The following L3MBTL4 variants were observed in gnomAD, a reference collection of about 807,000 sequenced individuals.
The protein encoded by L3MBTL4 is L3MBTL histone methyl-lysine binding protein 4.
L3MBTL4 carries 70 observed loss-of-function variants against 84.5 expected under a neutral mutation model. The ratio of observed to expected loss-of-function variants is 0.83; its 90% CI spans 0.68 to 1.01. The LOEUF is 1.01. Ranked by LOEUF, L3MBTL4 falls within the 50% of genes least tolerant of loss-of-function variation. The pLI, the probability that L3MBTL4 is intolerant of heterozygous loss-of-function variation, is 0.00. For missense variants in L3MBTL4, 715 were observed against 754.8 expected (o/e 0.95, Z 0.62); for synonymous variants, 274 against 259.8 (o/e 1.05, Z -0.52).
At chr18:6,215,872 C>A in intron 10 of L3MBTL4, 37 bp from the exon 11 acceptor site, 1 of 1,159,536 alleles carries the variant, frequency 8.6e-7, no homozygotes, top group South Asian at 1.4e-5. Context: ...AAAGATTACT[C>A]ATAGATATTC....
intron 16 of L3MBTL4, among the ~76,000 whole-genome samples, chr18:6,058,418 T>A (rs2057097920): frequency 6.6e-6 from 1 of 152,138 alleles, no homozygotes; most frequent in South Asian, 2.1e-4. Context: ...TTTAGAAAAC[T>A]TTTTCGTACA....
intron 1 of L3MBTL4, chr18:6,395,574 A>T (rs554985464): frequency 6.6e-6 from 1 of 152,356 alleles, no homozygotes; most frequent in East Asian, 1.9e-4. Context: ...GTCCTAAAAA[A>T]TAGGCACTGC....
At chr18:6,077,824 T>C (rs2057912227) in intron 16 of L3MBTL4, among the ~76,000 whole-genome samples, 1 of 146,666 alleles carries the variant, frequency 6.8e-6, no homozygotes, top group Admixed American at 6.9e-5. Context: ...AGGTCAGGAG[T>C]TCGAGACCAG....
chr18:6,068,008 G>A (rs1598624357), intron 16 of L3MBTL4, among the ~76,000 whole-genome samples: 1 of 151,946 alleles, frequency 6.6e-6, no homozygotes, highest in Non-Finnish European at 1.5e-5. Context: ...TGACTTTAAT[G>A]TTTATCATTT....
chr18:6,341,468 T>C (rs944191761), intron 1 of L3MBTL4, among the ~76,000 whole-genome samples: 1 of 151,626 alleles, frequency 6.6e-6, no homozygotes, highest in African/African-American at 2.4e-5. Context: ...ATTCTGGAAA[T>C]GAAGAATACA....
chr18:6,198,389 T>C (rs1342400046), intron 12 of L3MBTL4, among the ~76,000 whole-genome samples: 1 of 152,200 alleles, frequency 6.6e-6, no homozygotes, highest in East Asian at 1.9e-4. Flanking sequence ...TCTGTACCAC[T>C]CTCAATATAC....
chr18:6,014,709 G>C (rs1038000502), intron 16 of L3MBTL4, among the ~76,000 whole-genome samples: 1 of 152,150 alleles, frequency 6.6e-6, no homozygotes, highest in Non-Finnish European at 1.5e-5. Flanking sequence ...AGAGGAGCTA[G>C]AAGGGAATAG....
At chr18:6,353,280 CA>C (rs5822892) in intron 1 of L3MBTL4, among the ~76,000 whole-genome samples, 38,965 of 123,648 alleles carry the variant, frequency 0.32, 6,039 homozygotes, top group African/African-American at 0.51. Context: ...ATGATGAAAG[CA>C]AAAAAAAAAA....
chr18:6,306,850 C>G (rs1056931756), intron 3 of L3MBTL4, among the ~76,000 whole-genome samples: 6 of 152,218 alleles, frequency 3.9e-5, no homozygotes, highest in African/African-American at 1.4e-4. Flanking sequence ...AGTGAAGTGA[C>G]TTGTCTTTTG....
intron 16 of L3MBTL4, among the ~76,000 whole-genome samples, chr18:5,976,155 C>T (rs1239387441): frequency 2.0e-5 from 3 of 152,122 alleles, no homozygotes; most frequent in African/African-American, 2.4e-5. Flanking sequence ...AAATGTGAAG[C>T]GTGCAAACTG....
rs1209769876 is a variant in L3MBTL4 at position 6,309,066 on chromosome 18, T to C, written c.72+2488A>G. 2.0e-5 allele frequency among the ~76,000 whole-genome samples: 3 copies of C among 152,212 alleles called. No individual in the cohort carries two copies. The East Asian group carries it at 5.8e-4, about 29-fold the overall frequency. On this transcript the variant is annotated intron_variant, in intron 3 of 18. Coordinates refer to ENST00000317931, the MANE Select transcript of L3MBTL4 (RefSeq NM_001330559.2). ...GAAATTACTCTCTCAGAAGAAAATGTTCCGAAACACCCAACTGTGCATTTG... is the reference window on the plus strand; with the variant it reads ...GAAATTACTCTCTCAGAAGAAAATGCTCCGAAACACCCAACTGTGCATTTG...
chr18:6,068,085 G>C (rs1229027575), intron 16 of L3MBTL4, among the ~76,000 whole-genome samples: 1 of 152,160 alleles, frequency 6.6e-6, no homozygotes, highest in African/African-American at 2.4e-5. Context: ...CTTAAAGAGA[G>C]TTTTTGTGCG....
At chr18:6,167,172 GAGGCAATAATTAAT>G (rs2043711534) in intron 13 of L3MBTL4, among the ~76,000 whole-genome samples, 1 of 152,150 alleles carries the variant, frequency 6.6e-6, no homozygotes, top group Non-Finnish European at 1.5e-5. Context: ...CTCTGAAATT[GAGGCAATAATTAAT>G]AGCTTACCAA....
intron 16 of L3MBTL4, among the ~76,000 whole-genome samples, chr18:6,035,917 G>C (rs1216736634): frequency 1.3e-5 from 2 of 152,190 alleles, no homozygotes; most frequent in African/African-American, 4.8e-5. Flanking sequence ...TCAAAAGCTA[G>C]CAGAAGGCAA....
At chr18:6,381,964 A>G (rs1440984537) in intron 1 of L3MBTL4, among the ~76,000 whole-genome samples, 2 of 152,226 alleles carry the variant, frequency 1.3e-5, no homozygotes, top group Admixed American at 6.5e-5. Context: ...ACTTTCAGGT[A>G]CAACAATCAA....
chr18:6,216,021 C>T (rs1190184045), intron 10 of L3MBTL4, among the ~76,000 whole-genome samples, 186 bp from the exon 11 acceptor site: 2 of 152,070 alleles, frequency 1.3e-5, no homozygotes, highest in East Asian at 1.9e-4. Context: ...CAAAGGCATG[C>T]CTGCACTCAA....
At chr18:6,295,308 A>ACCTC (rs2050044361) in intron 4 of L3MBTL4, among the ~76,000 whole-genome samples, 1 of 51,006 alleles carries the variant, frequency 2.0e-5, no homozygotes, top group African/African-American at 7.8e-5. Flanking sequence ...CAACAACAAC[A>ACCTC]ACTCTCTCTC....
chr18:6,136,028 T>A (rs1162943457), intron 14 of L3MBTL4, among the ~76,000 whole-genome samples: 2 of 152,154 alleles, frequency 1.3e-5, no homozygotes, highest in Admixed American at 6.5e-5. Flanking sequence ...ACATCTTACA[T>A]GGTGGCAGCA....
intron 1 of L3MBTL4, among the ~76,000 whole-genome samples, chr18:6,384,905 G>A (rs1483331729): frequency 6.6e-6 from 1 of 152,134 alleles, no homozygotes; most frequent in South Asian, 2.1e-4. Flanking sequence ...AGGACAACTC[G>A]TAGAGACATA....
Sources: allele counts gnomAD v4.1 joint callset (sites outside exome capture counted in the v4.1 genomes callset), GRCh38; gene constraint gnomAD v4.1.1; transcripts MANE v1.5; gene names NCBI Gene and HGNC (gene_info 2026-07-23, HGNC 2026-07-21).